Variants in ADAM15 observed in about 807,000 individuals in gnomAD.
ADAM15 encodes ADAM metallopeptidase domain 15, also known as disintegrin and metalloproteinase domain-containing protein 15.
A neutral mutation model predicts 113.8 loss-of-function variants in ADAM15; 77 were observed. That is an observed-to-expected ratio of 0.68 (90% CI 0.56 to 0.82). The LOEUF is 0.82. ADAM15 is among the 40% of genes least tolerant of loss of function. The pLI, the probability that ADAM15 is intolerant of heterozygous loss-of-function variation, is 0.00. For missense variants in ADAM15, 963 were observed against 1,120.1 expected, an observed-to-expected ratio of 0.86 and a Z score of 2.00; for synonymous variants, 388 against 454.1, an observed-to-expected ratio of 0.85 and a Z score of 1.85.
chr1:155,058,220 C>T lies in ADAM15; in HGVS notation c.1722-26C>T, dbSNP rs918285650. The stretch of plus-strand genomic sequence containing the variant: ...AGCCTTGGCCCTGCTCCTACTAACT[C>T]TGTGTGCCCTTCCCCCTCCCCACAG... On this transcript the variant is annotated intron_variant, in intron 14 of 22. Transcript: ENST00000356955. This position sits in a 1 kb window ranked among gnomAD's most constrained non-coding sequence, Gnocchi z 4.3. 1.9e-6 allele frequency: 3 copies of T among 1,613,732 alleles called. No individual in the cohort carries two copies. The highest frequency in any genetic ancestry group is 2.5e-6 in the Non-Finnish European group (3 of 1,179,940).
Position 155,056,538 on chromosome 1 carries a change from A to C in ADAM15, c.999+68A>C. 1 of 1,492,802 alleles carries C rather than the reference A, an allele frequency of 6.7e-7. No homozygotes were observed. Among genetic ancestry groups the C allele is most frequent in the South Asian group, 1.2e-5 (1 of 86,184 alleles). 92.5% of individuals were successfully genotyped at this position (1,492,802 alleles called of 1,614,324 possible). A position where few individuals can be genotyped will look rare whatever the true frequency, so the allele number is the denominator to read the frequency against. On this transcript the variant is annotated intron_variant, in intron 10 of 22. Transcript: ENST00000356955. The surrounding 1 kb of genome is among the most constrained non-coding windows in gnomAD (Gnocchi z 4.0). Reference sequence around the variant, plus strand: ...CTCCCAAGTGTGGTGGCATTTATGCACTGAAACCCCCCTATAAAGTTGCCC... The same window carrying C: ...CTCCCAAGTGTGGTGGCATTTATGCCCTGAAACCCCCCTATAAAGTTGCCC...
At chr1:155,059,418 G>A (rs1346991992) in intron 16 of ADAM15, among the ~76,000 whole-genome samples, 1 of 152,140 alleles carries the variant, frequency 6.6e-6, no homozygotes, top group African/African-American at 2.4e-5. Flanking sequence ...GAGGCCAGGA[G>A]TTCAAAACCA....
chr1:155,051,472 C>A lies in ADAM15; in HGVS notation c.79+7C>A. The A allele has an allele frequency of 6.4e-7, 1 of 1,559,098 alleles. No individual in the cohort carries two copies. ...TGGCCGCTCCCAAATATAGGTGAGT[C>A]CTCCGCCTGGAGTGGGTCGGGGGGC... On this transcript the variant is annotated splice_region_variant and intron_variant, in intron 1 of 22. Coordinates refer to ENST00000356955, the MANE Select transcript of ADAM15 (RefSeq NM_207197.3).
In ADAM15 at chr1:155,061,362, C is replaced by T; in HGVS notation, c.2278-53C>T. 3.9e-6 allele frequency: 6 copies of T among 1,529,730 alleles called. No homozygotes were observed. In the South Asian group the frequency reaches 7.0e-5, roughly 18 times the overall value. 94.8% of individuals were successfully genotyped at this position (1,529,730 alleles called of 1,614,324 possible). ...ACTGACCCTTCCCTGCCCACTCTGT[C>T]TCTCTGCTTCCTCTTCCCCCTCTGT... On this transcript the variant is annotated intron_variant, in intron 19 of 22. Transcript: ENST00000356955.
rs1662345542 is a variant in ADAM15, at chr1:155,059,976, T to C, written c.2068+2T>C. 1 of 1,613,988 alleles carries C rather than the reference T, an allele frequency of 6.2e-7. No homozygotes were observed. The highest frequency in any genetic ancestry group is 1.3e-5 in the African/African-American group (1 of 75,030). On this transcript the variant is annotated splice_donor_variant, in intron 17 of 22. Coordinates refer to ENST00000356955, the MANE Select transcript of ADAM15 (RefSeq NM_207197.3). LOFTEE classifies it high-confidence loss of function. The stretch of plus-strand genomic sequence containing the variant: ...CTGACTGCACCACTCAGCTCAAAGG[T>C]AGCATGGGGGTGGGGGACAGGGGCA...
intron 19 of ADAM15, chr1:155,061,039 C>G (rs757329575): frequency 2.5e-4 from 147 of 599,812 alleles, no homozygotes; most frequent in Non-Finnish European, 3.8e-4. Context: ...GGGCAGCCAG[C>G]TGGAGCAGGA....
chr1:155,052,635 C>T, intron 1 of ADAM15, 36 bp from the exon 2 acceptor site: 12 of 1,572,628 alleles, frequency 7.6e-6, no homozygotes, highest in Non-Finnish European at 9.5e-6. Flanking sequence ...CTGTCGATTC[C>T]CTCAGTACTG....
rs375695343 is a variant in ADAM15, at chr1:155,056,410, G to C, written c.939G>C (p.Thr313=). Residue 313 remains threonine, a synonymous_variant, in exon 10 of 23, where the codon ACG becomes ACC. Transcript: ENST00000356955. This position sits in a 1 kb window ranked among gnomAD's most constrained non-coding sequence, Gnocchi z 4.0. ...LVTGTSFSGP[T]VGMAIQNSIC... Reference sequence around the variant, plus strand: ...GTGGTACTTCATTCTCTGGGCCTACGGTGGGCATGGCCATTCAGAACTCCA... The same window carrying C: ...GTGGTACTTCATTCTCTGGGCCTACCGTGGGCATGGCCATTCAGAACTCCA... 3 of 1,613,986 alleles carry C rather than the reference G, an allele frequency of 1.9e-6. No homozygotes were observed. In the African/African-American group the frequency reaches 4.0e-5, roughly 22 times the overall value.
Position 155,053,447 on chromosome 1 carries a change from T to C in ADAM15, c.217T>C (p.Leu73=). The change falls in exon 3 of 23, where the codon TTG becomes CTG. Residue 73 remains leucine, a synonymous_variant. Transcript: ENST00000356955. Reference sequence around the variant, plus strand: ...TCTGCCTGAGCCCCTGAGGATCAAGTTGGAGCTGGACGGTGACAGTCATAT... The same window carrying C: ...TCTGCCTGAGCCCCTGAGGATCAAGCTGGAGCTGGACGGTGACAGTCATAT... ...TSLPEPLRIK[L]ELDGDSHILE... is the part of the protein sequence containing the mutation. 2 of 1,614,098 alleles carry C rather than the reference T, an allele frequency of 1.2e-6. No individual in the cohort carries two copies. Among genetic ancestry groups the C allele is most frequent in the Non-Finnish European group, 1.7e-6 (2 of 1,180,016 alleles).
At chr1:155,055,623 C>A in intron 6 of ADAM15, 167 bp from the exon 7 acceptor site, 1 of 683,530 alleles carries the variant, frequency 1.5e-6, no homozygotes, top group Non-Finnish European at 2.6e-6. Flanking sequence ...CCTGGTCCTC[C>A]TTGGCAAGTT....
At chr1:155,051,915 G>A (rs1218750358) in intron 1 of ADAM15, 1 of 160,948 alleles carries the variant, frequency 6.2e-6, no homozygotes, top group Non-Finnish European at 1.4e-5. Flanking sequence ...CCAGGCCTGG[G>A]GCCGCCAGGC....
In ADAM15 at chr1:155,056,911, G is replaced by T; in HGVS notation, c.1000-42G>T. 6.6e-7 allele frequency: 1 copy of T among 1,521,854 alleles called. No homozygotes were observed. The highest frequency in any genetic ancestry group is 8.8e-7 in the Non-Finnish European group (1 of 1,133,782). 94.3% of individuals were successfully genotyped at this position (1,521,854 alleles called of 1,614,324 possible). On this transcript the variant is annotated intron_variant, in intron 10 of 22. Coordinates refer to ENST00000356955, the MANE Select transcript of ADAM15 (RefSeq NM_207197.3). This position sits in a 1 kb window ranked among gnomAD's most constrained non-coding sequence, Gnocchi z 4.0. Reference sequence around the variant, plus strand: ...GGGTGGTCTGGGCATTGTGGTGGAGGCAGGCTGGGACTGGACCTACAGTAC... The same window carrying T: ...GGGTGGTCTGGGCATTGTGGTGGAGTCAGGCTGGGACTGGACCTACAGTAC...
chr1:155,058,099 T>C lies in ADAM15; in HGVS notation c.1665T>C (p.Asn555=), dbSNP rs1308801099. 1.5e-5 allele frequency: 25 copies of C among 1,613,910 alleles called. No homozygotes were observed. The highest frequency in any genetic ancestry group is 2.0e-5 in the Non-Finnish European group (24 of 1,179,822). The change falls in exon 14 of 23, where the codon AAT becomes AAC. Residue 555 remains asparagine (N), a synonymous_variant. Transcript: ENST00000356955. The surrounding 1 kb of genome is among the most constrained non-coding windows in gnomAD (Gnocchi z 4.3). ...TCCAGACAGCTAATACTCGGGGAAA[T>C]GCTTTTGGGAGCTGTGGGCGCAACC... ...LCLQTANTRG[N]AFGSCGRNPS...
At chr1:155,055,743 G>A (rs1661664216) in intron 6 of ADAM15, 47 bp from the exon 7 acceptor site, 1 of 1,608,004 alleles carries the variant, frequency 6.2e-7, no homozygotes, top group Non-Finnish European at 8.5e-7. Flanking sequence ...CACAGCTGCT[G>A]GCTGCGAGCG....
In ADAM15 at chr1:155,058,797, G is replaced by T. The variant is rs1490834549; in HGVS notation, c.1995+10G>T. The T allele has an allele frequency of 6.2e-7, 1 of 1,607,612 alleles. No individual in the cohort carries two copies. The highest frequency in any genetic ancestry group is 1.7e-5 in the Admixed American group (1 of 59,334). On this transcript the variant is annotated intron_variant, in intron 16 of 22. Coordinates refer to ENST00000356955, the MANE Select transcript of ADAM15 (RefSeq NM_207197.3). This position sits in a 1 kb window ranked among gnomAD's most constrained non-coding sequence, Gnocchi z 4.3. The stretch of plus-strand genomic sequence containing the variant: ...ATGCCATGGACATGGGGTGAGCTGG[G>T]ATGGGGGAAGTGGAAGGGGAGCAGA...
Position 155,058,745 on chromosome 1 carries a change from C to T in ADAM15, c.1953C>T (p.Leu651=), listed in dbSNP as rs559460381. 9.3e-6 allele frequency: 15 copies of T among 1,612,750 alleles called. No individual in the cohort carries two copies. The South Asian group carries it at 1.3e-4, about 14-fold the overall frequency. Residue 651 remains leucine, a synonymous_variant, in exon 16 of 23, where the codon CTC becomes CTT. Coordinates refer to ENST00000356955, the MANE Select transcript of ADAM15 (RefSeq NM_207197.3). The surrounding 1 kb of genome is among the most constrained non-coding windows in gnomAD (Gnocchi z 4.3). Reference sequence around the variant, plus strand: ...ACCATCGATGCCAGCGTGTGGATCTCCTGGGGGCACAGGAATGTCGAAGCA... The same window carrying T: ...ACCATCGATGCCAGCGTGTGGATCTTCTGGGGGCACAGGAATGTCGAAGCA... The part of the protein sequence containing the change: ...CIDHRCQRVD[L]LGAQECRSKC...
At position 155,055,973 on chromosome 1, in the gene ADAM15, A is replaced by G; in HGVS notation, c.717A>G (p.Thr239=). ...YRDFQHLLNR[T]LEVALLLDTF... is the part of the protein sequence containing the mutation. ...ACTTCCAGCACCTGCTAAACCGCAC[A>G]CTGGAAGTGGCCCTCTTGCTGGACA... Residue 239 remains threonine (T), a synonymous_variant, in exon 8 of 23, where the codon ACA becomes ACG. Transcript: ENST00000356955. 6.2e-7 allele frequency: 1 copy of G among 1,614,000 alleles called. No individual in the cohort carries two copies. The highest frequency in any genetic ancestry group is 8.5e-7 in the Non-Finnish European group (1 of 1,180,014).
intron 19 of ADAM15, 90 bp from the exon 20 acceptor site, chr1:155,061,325 C>A: frequency 1.1e-6 from 1 of 879,324 alleles, no homozygotes; most frequent in Admixed American, 2.3e-5. Flanking sequence ...CCCCTGCTGG[C>A]CCCCCCTGGG....
In ADAM15 at chr1:155,058,287, C is replaced by A; in HGVS notation, c.1763C>A (p.Thr588Asn). Reference protein sequence around the residue: ...CGQLQCQTGRTQPLLGSIRDL... With the variant: ...CGQLQCQTGRNQPLLGSIRDL... ...CAGCTCCAGTGCCAGACAGGTAGGA[C>A]CCAGCCTCTGCTGGGCTCCATCCGG... is the stretch of plus-strand genomic sequence containing the variant. Residue 588 changes from threonine (T) to asparagine (N), a missense_variant, in exon 15 of 23, where the codon ACC (threonine) becomes AAC (asparagine). Thr to Asn is a moderately conservative substitution (Grantham distance 65, BLOSUM62 0). Transcript: ENST00000356955. The surrounding 1 kb of genome is among the most constrained non-coding windows in gnomAD (Gnocchi z 4.3). The A allele has an allele frequency of 6.2e-7, 1 of 1,614,008 alleles. No individual in the cohort carries two copies. The highest frequency in any genetic ancestry group is 8.5e-7 in the Non-Finnish European group (1 of 1,180,016).
Sources: gnomAD v4.1 joint callset for allele counts (sites outside exome capture counted in the v4.1 genomes callset) on GRCh38, gnomAD v4.1.1 for gene constraint, Gnocchi (gnomAD v3.1) non-coding constraint, MANE v1.5 for transcripts, NCBI Gene and HGNC (gene_info 2026-07-23, HGNC 2026-07-21) for gene names.